The following KAZN variants were observed in gnomAD, a reference collection of about 807,000 sequenced individuals.
KAZN encodes the protein kazrin, periplakin interacting protein.
Under a neutral mutation model 87.4 loss-of-function variants are expected in KAZN, and 40 were observed. The observed-to-expected ratio is 0.46, with a 90% CI of 0.36 to 0.60. The LOEUF (loss-of-function observed/expected upper bound fraction) is 0.60, where lower values mean the gene tolerates loss of function less well. Ranked by LOEUF, KAZN falls within the 20% of genes least tolerant of loss-of-function variation. The pLI is 0.00. For missense variants in KAZN, 898 were observed against 1,073.9 expected (o/e 0.84, Z 2.29); for synonymous variants, 466 against 458.3 (o/e 1.02, Z -0.22).
chr1:15,060,043 T>G, intron 5 of KAZN, 129 bp from the exon 6 acceptor site: 1 of 1,221,522 alleles, frequency 8.2e-7, no homozygotes, highest in African/African-American at 1.5e-5. Flanking sequence ...ACCAGGCAAG[T>G]CTCTTCCCTT....
At chr1:14,158,076 G>C (rs1645634423) in intron 1 of KAZN, among the ~76,000 whole-genome samples, 1 of 152,118 alleles carries the variant, frequency 6.6e-6, no homozygotes, top group Admixed American at 6.5e-5. Flanking sequence ...ACCATATCAG[G>C]TAATCTTCTT....
intron 1 of KAZN, among the ~76,000 whole-genome samples, chr1:14,159,835 G>C (rs1159030895): frequency 6.6e-6 from 1 of 152,188 alleles, no homozygotes; most frequent in Non-Finnish European, 1.5e-5. Context: ...CCTTCCAGAT[G>C]AGTCTTTCTT....
chr1:13,922,490 A>T (rs1640106617), intron 1 of KAZN, among the ~76,000 whole-genome samples: 1 of 152,190 alleles, frequency 6.6e-6, no homozygotes, highest in Non-Finnish European at 1.5e-5. Context: ...TACACTTTGC[A>T]TCTGGCTTCC....
intron 1 of KAZN, among the ~76,000 whole-genome samples, chr1:14,601,315 C>T (rs1676957050): frequency 6.6e-6 from 1 of 152,184 alleles, no homozygotes; most frequent in African/African-American, 2.4e-5. Flanking sequence ...AACTGATATG[C>T]ATTTCAACAG....
chr1:14,451,666 T>C (rs1310341596), intron 2 of KAZN, among the ~76,000 whole-genome samples: 1 of 152,100 alleles, frequency 6.6e-6, no homozygotes, highest in Non-Finnish European at 1.5e-5. Flanking sequence ...CTTTTAATTG[T>C]GATGGCTGAG....
intron 1 of KAZN, among the ~76,000 whole-genome samples, chr1:14,800,779 A>C (rs1361202756): frequency 2.6e-5 from 4 of 152,198 alleles, no homozygotes; most frequent in African/African-American, 7.2e-5. Context: ...CAGTCACAAA[A>C]GACTACACGT....
At chr1:14,247,571 A>G (rs1290206218) in intron 2 of KAZN, among the ~76,000 whole-genome samples, 1 of 152,190 alleles carries the variant, frequency 6.6e-6, no homozygotes, top group African/African-American at 2.4e-5. Context: ...TTCCAGCTTC[A>G]TCCTTTGGTG....
At chr1:14,180,063 C>T (rs1000824312) in intron 1 of KAZN, among the ~76,000 whole-genome samples, 11 of 152,042 alleles carry the variant, frequency 7.2e-5, no homozygotes, top group African/African-American at 1.2e-4. Context: ...TCTCATGCCC[C>T]GTTAATTTCT....
chr1:14,913,728 G>A lies in KAZN; in HGVS notation c.227-46956G>A, dbSNP rs570945071. 1.4e-3 allele frequency among the ~76,000 whole-genome samples: 207 copies of A among 152,378 alleles called. 1 individual carries two copies. Among genetic ancestry groups the A allele is most frequent in the Admixed American group, 0.011 (173 of 15,312 alleles). On this transcript the variant is annotated intron_variant, in intron 1 of 14. Transcript: ENST00000376030. ...ACCTGCCTGTGCAGGGGTGGTGGGG[G>A]CCCTGTGTGCTCTGCCTTGAGTTGG...
chr1:15,048,858 TGGTCGTTGGTCCTGGGTCGTTGGTCCTG>T (rs1329858232), intron 4 of KAZN, among the ~76,000 whole-genome samples: 3 of 119,950 alleles, frequency 2.5e-5, no homozygotes, highest in Non-Finnish European at 5.3e-5. Context: ...CGTTGGTCCT[TGGTCGTTGGTCCTGGGTCGTTGGTCCTG>T]GGTCGTTGGT....
chr1:15,112,376 T>C, intron 13 of KAZN, 51 bp from the exon 14 acceptor site: 1 of 835,702 alleles, frequency 1.2e-6, no homozygotes, highest in South Asian at 1.5e-5. Flanking sequence ...TGTGTGTGTC[T>C]GGGGAGCTGA....
intron 2 of KAZN, among the ~76,000 whole-genome samples, chr1:14,524,923 T>C (rs1445535240): frequency 1.3e-5 from 2 of 152,238 alleles, no homozygotes; most frequent in African/African-American, 4.8e-5. Flanking sequence ...ATATATTTCT[T>C]TGGAGACCCA....
At chr1:14,476,440 C>T (rs974593819) in intron 2 of KAZN, among the ~76,000 whole-genome samples, 4 of 152,130 alleles carry the variant, frequency 2.6e-5, no homozygotes, top group Admixed American at 6.5e-5. Context: ...GAAGTGAGGG[C>T]GACCTTTATT....
intron 1 of KAZN, among the ~76,000 whole-genome samples, chr1:14,092,878 C>T (rs1323350603): frequency 6.6e-6 from 1 of 152,108 alleles, no homozygotes; most frequent in Non-Finnish European, 1.5e-5. Flanking sequence ...AATAAAGATG[C>T]AATTTATGAA....
intron 2 of KAZN, among the ~76,000 whole-genome samples, chr1:14,419,159 G>C (rs567025644): frequency 1.3e-5 from 2 of 152,300 alleles, no homozygotes; most frequent in East Asian, 1.9e-4. Context: ...GCATAAACCA[G>C]GCACTGTAAT....
chr1:14,917,961 C>T (rs1658000973), intron 1 of KAZN, among the ~76,000 whole-genome samples: 1 of 152,096 alleles, frequency 6.6e-6, no homozygotes, highest in South Asian at 2.1e-4. Context: ...TCACCGCAAC[C>T]TCTGCCTCCT....
intron 2 of KAZN, among the ~76,000 whole-genome samples, chr1:14,218,512 G>A (rs1647017031): frequency 6.6e-6 from 1 of 152,118 alleles, no homozygotes; most frequent in Non-Finnish European, 1.5e-5. Flanking sequence ...TACCTCGTTA[G>A]CAAGGAAGCT....
chr1:14,219,555 G>A (rs904217376), intron 2 of KAZN, among the ~76,000 whole-genome samples: 8 of 152,108 alleles, frequency 5.3e-5, no homozygotes, highest in Non-Finnish European at 1.0e-4. Context: ...AAACAAGTAG[G>A]TCTTCATTAA....
At chr1:14,276,910 GTT>G (rs1652401749) in intron 2 of KAZN, among the ~76,000 whole-genome samples, 1 of 152,126 alleles carries the variant, frequency 6.6e-6, no homozygotes, top group South Asian at 2.1e-4. Flanking sequence ...GTTGAATGTA[GTT>G]TTCTAACACT....
Sources: allele counts gnomAD v4.1 joint callset (sites outside exome capture counted in the v4.1 genomes callset), GRCh38; gene constraint gnomAD v4.1.1; transcripts MANE v1.5; gene names NCBI Gene and HGNC (gene_info 2026-07-23, HGNC 2026-07-21).